SYDE2: variants seen among roughly 807,000 people sequenced by gnomAD.
The protein encoded by SYDE2 is synapse defective Rho GTPase homolog 2, also known as rho GTPase-activating protein SYDE2.
SYDE2 carries 76 observed loss-of-function variants against 91.5 expected under a neutral mutation model. The observed-to-expected ratio is 0.83, with a 90% CI of 0.69 to 1.01. The LOEUF (loss-of-function observed/expected upper bound fraction) is 1.01. Among genes scored for constraint, SYDE2 ranks in the 50% least tolerant of loss-of-function variants. The probability of loss-of-function intolerance (pLI) is 0.00; values close to 1 mark genes in which losing one functional copy is unlikely to be tolerated. For missense variants in SYDE2, 1,364 were observed against 1,367.7 expected (o/e 1.00, Z 0.04); for synonymous variants, 513 against 506.4 (o/e 1.01, Z -0.18).
At position 85,182,025 on chromosome 1, in the gene SYDE2, G is replaced by A. The variant is rs557293064; in HGVS notation, c.2544+73C>T. 2.9e-6 allele frequency: 4 copies of A among 1,399,816 alleles called. No homozygotes were observed. The African/African-American group carries it at 4.3e-5, about 15-fold the overall frequency. 86.7% of individuals were successfully genotyped at this position (1,399,816 alleles called of 1,614,324 possible). ...AAATTTGATTTTTTTACATTACCTT[G>A]AATTTCTTCCCCCAAGACTTACAAT... On this transcript the variant is annotated intron_variant, in intron 3 of 6. Coordinates refer to ENST00000341460, the MANE Select transcript of SYDE2 (RefSeq NM_032184.2).
At position 85,200,218 on chromosome 1, in the gene SYDE2, G is replaced by A. The variant is rs1307794876; in HGVS notation, c.745+34C>T. Reference sequence around the variant, plus strand: ...GCCCAGTCGGTAAACAGTAAGGCTCGCGGTGCTAGCATTTTCATCGCAAAG... The same window carrying A: ...GCCCAGTCGGTAAACAGTAAGGCTCACGGTGCTAGCATTTTCATCGCAAAG... On this transcript the variant is annotated intron_variant, in intron 1 of 6. Transcript: ENST00000341460. The A allele has an allele frequency of 1.9e-6, 3 of 1,613,108 alleles. No individual in the cohort carries two copies. In the African/African-American group the frequency reaches 4.0e-5, roughly 22 times the overall value.
At chr1:85,170,480 C>T (rs1201943867) in intron 4 of SYDE2, among the ~76,000 whole-genome samples, 2 of 152,136 alleles carry the variant, frequency 1.3e-5, no homozygotes, top group East Asian at 3.8e-4. Flanking sequence ...TGATTTGTCT[C>T]CCTCATTGAG....
At chr1:85,170,456 T>C (rs755633888) in intron 4 of SYDE2, among the ~76,000 whole-genome samples, 7 of 152,182 alleles carry the variant, frequency 4.6e-5, no homozygotes, top group Admixed American at 6.6e-5. Context: ...CTAATGTTTA[T>C]GCAAATATAA....
At position 85,182,727 on chromosome 1, in the gene SYDE2, C is replaced by T. The variant is rs1407377501; in HGVS notation, c.1915G>A (p.Glu639Lys). The T allele has an allele frequency of 4.3e-6, 7 of 1,613,686 alleles. No homozygotes were observed. The highest frequency in any genetic ancestry group is 5.9e-6 in the Non-Finnish European group (7 of 1,179,834). ...LTTKASKHGS[E>K]NKFGKGKEII... ...TCTTTTCCTTTTCCAAATTTGTTTTCAGATCCATGTTTGCTAGCTTTAGTT... is the reference window on the plus strand; with the variant it reads ...TCTTTTCCTTTTCCAAATTTGTTTTTAGATCCATGTTTGCTAGCTTTAGTT... Residue 639 changes from glutamate (E) to lysine (K), a missense_variant, in exon 3 of 7, where the codon GAA (glutamate) becomes AAA (lysine). By Grantham distance (56) the Glu-to-Lys change is moderately conservative. Coordinates refer to ENST00000341460, the MANE Select transcript of SYDE2 (RefSeq NM_032184.2).
At position 85,200,777 on chromosome 1, in the gene SYDE2, G is replaced by A; in HGVS notation, c.220C>T (p.Leu74=). 1 of 1,517,260 alleles carries A rather than the reference G, an allele frequency of 6.6e-7. No individual in the cohort carries two copies. Among genetic ancestry groups the A allele is most frequent in the Non-Finnish European group, 8.8e-7 (1 of 1,138,302 alleles). The allele number at this position is 1,517,260 out of a possible 1,614,324, so 94.0% of individuals were successfully genotyped here. A position where few individuals can be genotyped will look rare whatever the true frequency, so the allele number is the denominator to read the frequency against. ...SPQREPRGGQ[L]RTPRMRPSCS... is the part of the protein sequence containing the mutation. The stretch of plus-strand genomic sequence containing the variant: ...GACGGCCGCATCCGAGGAGTCCGCA[G>A]CTGGCCTCCCCGCGGCTCCCTCTGA... Residue 74 remains leucine (L), a synonymous_variant, in exon 1 of 7, where the codon CTG becomes TTG. Coordinates refer to ENST00000341460, the MANE Select transcript of SYDE2 (RefSeq NM_032184.2).
rs749968770 is a variant in SYDE2, at chr1:85,182,966, G to T, written c.1676C>A (p.Pro559His). 6.2e-7 allele frequency: 1 copy of T among 1,613,768 alleles called. No homozygotes were observed. Among genetic ancestry groups the T allele is most frequent in the Non-Finnish European group, 8.5e-7 (1 of 1,179,766 alleles). ...TCGGCAGTTATATTTAGACAAAGAA[G>T]GAGTATTATCTGGACTGTTTATATA... ...LNYINSPDNTPSLSKYNCREV... is the reference protein window; with the variant it reads ...LNYINSPDNTHSLSKYNCREV... Residue 559 changes from proline to histidine, a missense_variant, in exon 3 of 7, where the codon CCT becomes CAT. Coordinates refer to ENST00000341460, the MANE Select transcript of SYDE2 (RefSeq NM_032184.2).
intron 6 of SYDE2, among the ~76,000 whole-genome samples, chr1:85,159,525 G>A (rs990778430): frequency 6.6e-6 from 1 of 152,082 alleles, no homozygotes; most frequent in African/African-American, 2.4e-5. Flanking sequence ...AATTTTCTAT[G>A]CAACTTTATT....
chr1:85,172,607 C>T (rs917127361), intron 4 of SYDE2, among the ~76,000 whole-genome samples: 1 of 152,100 alleles, frequency 6.6e-6, no homozygotes, highest in Non-Finnish European at 1.5e-5. Context: ...AGACATTGGA[C>T]ATCAGGCAAA....
chr1:85,160,697 CT>C (rs1302988327), intron 6 of SYDE2: 1 of 985,208 alleles, frequency 1.0e-6, no homozygotes, highest in African/African-American at 1.7e-5. Context: ...CTTTTTAGTG[CT>C]TAACTGTCAT....
intron 1 of SYDE2, among the ~76,000 whole-genome samples, chr1:85,197,718 G>A (rs1050475329): frequency 6.6e-6 from 1 of 151,934 alleles, no homozygotes; most frequent in African/African-American, 2.4e-5. Context: ...GCAGTGACAC[G>A]ATCTTGGCTC....
intron 4 of SYDE2, among the ~76,000 whole-genome samples, chr1:85,170,903 C>T (rs988947541): frequency 8.5e-5 from 13 of 152,126 alleles, no homozygotes; most frequent in African/African-American, 3.1e-4. Context: ...CACACAATCA[C>T]TTTGTATATA....
chr1:85,196,993 A>C (rs114060187), intron 1 of SYDE2, among the ~76,000 whole-genome samples: 111 of 152,328 alleles, frequency 7.3e-4, no homozygotes, highest in Non-Finnish European at 1.3e-3. Context: ...GAGTCAAAGT[A>C]GGCTAATTAT....
chr1:85,166,344 A>C (rs1657276098), intron 5 of SYDE2, among the ~76,000 whole-genome samples: 2 of 151,940 alleles, frequency 1.3e-5, no homozygotes, highest in South Asian at 2.1e-4. Context: ...GTCTCAAAAA[A>C]AAAAAAAATT....
At chr1:85,195,734 C>T (rs1213074610) in intron 1 of SYDE2, among the ~76,000 whole-genome samples, 1 of 152,140 alleles carries the variant, frequency 6.6e-6, no homozygotes, top group African/African-American at 2.4e-5. Flanking sequence ...TAGCTCAATT[C>T]CCAGTGCTCC....
intron 4 of SYDE2, among the ~76,000 whole-genome samples, chr1:85,175,475 CTCTT>C (rs749846235): frequency 2.0e-5 from 3 of 152,136 alleles, no homozygotes; most frequent in African/African-American, 7.2e-5. Context: ...CAGAGTGAGA[CTCTT>C]TCTCAAAAAG....
rs1250595390 is a variant in SYDE2 at position 85,190,238 on chromosome 1, T to G, written c.1260A>C (p.Glu420Asp). The G allele has an allele frequency of 6.2e-7, 1 of 1,613,740 alleles. No homozygotes were observed. Among genetic ancestry groups the G allele is most frequent in the Non-Finnish European group, 8.5e-7 (1 of 1,179,814 alleles). Residue 420 changes from glutamate (E) to aspartate (D), a missense_variant, in exon 2 of 7, where the codon GAA becomes GAC. Transcript: ENST00000341460. ...SDLMKAERHT[E>D]DSLCSSEHAG... ...CATGTTCGGAAGAGCACAGTGAGTCTTCAGTATGCCGCTCTGCTTTCATCA... is the reference window on the plus strand; with the variant it reads ...CATGTTCGGAAGAGCACAGTGAGTCGTCAGTATGCCGCTCTGCTTTCATCA...
chr1:85,196,427 A>G, intron 1 of SYDE2, among the ~76,000 whole-genome samples: 1 of 152,142 alleles, frequency 6.6e-6, no homozygotes, highest in Non-Finnish European at 1.5e-5. Context: ...ATTGAACCAC[A>G]TTTTGAGTGG....
At chr1:85,179,675 G>A (rs1248701842) in intron 3 of SYDE2, among the ~76,000 whole-genome samples, 1 of 152,128 alleles carries the variant, frequency 6.6e-6, no homozygotes, top group African/African-American at 2.4e-5. Context: ...AGACACAGTA[G>A]AAATGTAGAC....
Position 85,159,026 on chromosome 1 carries a change from T to C in SYDE2, c.3309A>G (p.Thr1103=), listed in dbSNP as rs770903026. The part of the protein sequence containing the change: ...SSCGENYFLN[T]KENLNDVDYD... ...AATCCACATCATTTAAATTTTCTTT[T>C]GTATTTAAAAAGTAGTTTTCCCCAC... The change falls in exon 7 of 7, where the codon ACA becomes ACG. Residue 1103 remains threonine (T), a synonymous_variant. Coordinates refer to ENST00000341460, the MANE Select transcript of SYDE2 (RefSeq NM_032184.2). 2.6e-6 allele frequency: 2 copies of C among 780,820 alleles called. No individual in the cohort carries two copies. The highest frequency in any genetic ancestry group is 4.8e-6 in the Non-Finnish European group (2 of 417,970). 48.4% of individuals were successfully genotyped at this position (780,820 alleles called of 1,614,324 possible).
Sources: allele counts gnomAD v4.1 joint callset (sites outside exome capture counted in the v4.1 genomes callset), GRCh38; gene constraint gnomAD v4.1.1; transcripts MANE v1.5; gene names NCBI Gene and HGNC (gene_info 2026-07-23, HGNC 2026-07-21).